Variants in FDFT1 observed in about 807,000 individuals in gnomAD.
FDFT1 encodes the protein farnesyl-diphosphate farnesyltransferase 1.
A neutral mutation model predicts 46.8 loss-of-function variants in FDFT1; 68 were observed. The ratio of observed to expected loss-of-function variants is 1.45; its 90% CI spans 1.19 to 1.78. The LOEUF (loss-of-function observed/expected upper bound fraction) is 1.78, where lower values mean the gene tolerates loss of function less well. Ranked by LOEUF, FDFT1 falls within the 40% of genes most tolerant of loss-of-function variation. The probability of loss-of-function intolerance (pLI) is 0.00; values close to 1 mark genes in which losing one functional copy is unlikely to be tolerated. For synonymous variants in FDFT1, 351 were observed against 185.1 expected, an observed-to-expected ratio of 1.90 and a Z score of -7.28; for missense variants, 928 against 524.4, an observed-to-expected ratio of 1.77 and a Z score of -7.52.
chr8:11,808,968 T>C (rs1258562881), intron 2 of FDFT1, 77 bp downstream of exon 2: 7 of 1,555,904 alleles, frequency 4.5e-6, no homozygotes, highest in Non-Finnish European at 8.7e-7. Context: ...AGCTACCTTT[T>C]GATATAGCGC....
chr8:11,826,320 C>A (rs1809984103), intron 5 of FDFT1, 105 bp downstream of exon 5: 3 of 796,070 alleles, frequency 3.8e-6, no homozygotes, highest in South Asian at 4.4e-5. Flanking sequence ...CAGGCCTCCC[C>A]CAGGCAGCAT....
intron 3 of FDFT1, among the ~76,000 whole-genome samples, chr8:11,810,955 A>T (rs966134428): frequency 2.0e-5 from 3 of 151,464 alleles, no homozygotes; most frequent in Admixed American, 2.0e-4. Context: ...AAAAAAAAAA[A>T]AAAGGAATGT....
intron 1 of FDFT1, among the ~76,000 whole-genome samples, chr8:11,807,240 C>A (rs1248829422): frequency 6.6e-6 from 1 of 152,090 alleles, no homozygotes; most frequent in Non-Finnish European, 1.5e-5. Flanking sequence ...TGGGCTCAAG[C>A]GATCCTCCCA....
At chr8:11,814,089 C>G (rs1215855336) in intron 3 of FDFT1, among the ~76,000 whole-genome samples, 1 of 152,176 alleles carries the variant, frequency 6.6e-6, no homozygotes, top group Non-Finnish European at 1.5e-5. Flanking sequence ...CCCTCATTGA[C>G]CTTTCCTCTC....
chr8:11,815,780 A>T (rs1002736959), intron 3 of FDFT1, among the ~76,000 whole-genome samples: 3 of 152,122 alleles, frequency 2.0e-5, no homozygotes, highest in African/African-American at 7.2e-5. Flanking sequence ...CCTTTGTTGG[A>T]TGGATAAATT....
At chr8:11,806,641 A>G (rs1044923918) in intron 1 of FDFT1, among the ~76,000 whole-genome samples, 3 of 152,114 alleles carry the variant, frequency 2.0e-5, no homozygotes, top group African/African-American at 7.2e-5. Flanking sequence ...TGTTAGTTGG[A>G]CTGAACATGA....
chr8:11,816,675 T>C (rs1338036481), intron 3 of FDFT1, among the ~76,000 whole-genome samples: 1 of 152,194 alleles, frequency 6.6e-6, no homozygotes, highest in Non-Finnish European at 1.5e-5. Flanking sequence ...TGTTTGTCTG[T>C]TATTGGTGTA....
chr8:11,838,514 C>G lies in FDFT1; in HGVS notation c.1159C>G (p.Leu387Val). The change falls in exon 8 of 8, where the codon CTG becomes GTG. Residue 387 changes from leucine (L) to valine (V), a missense_variant. Leu to Val is a conservative substitution (Grantham distance 32). Transcript: ENST00000220584. ...ISRSHYSPIY[L>V]SFVMLLAALS... Reference sequence around the variant, plus strand: ...CCGAAGCCACTACTCCCCCATCTACCTGTCGTTTGTCATGCTTTTGGCTGC... The same window carrying G: ...CCGAAGCCACTACTCCCCCATCTACGTGTCGTTTGTCATGCTTTTGGCTGC... The G allele has an allele frequency of 6.2e-7, 1 of 1,608,674 alleles. No homozygotes were observed. Among genetic ancestry groups the G allele is most frequent in the South Asian group, 1.1e-5 (1 of 90,372 alleles).
intron 6 of FDFT1, among the ~76,000 whole-genome samples, chr8:11,830,750 A>C (rs760237661): frequency 6.6e-6 from 1 of 152,184 alleles, no homozygotes; most frequent in African/African-American, 2.4e-5. Context: ...ACCTGGGTGA[A>C]GCTGTTATCA....
chr8:11,836,353 A>T (rs1397322687), intron 7 of FDFT1, among the ~76,000 whole-genome samples: 1 of 152,136 alleles, frequency 6.6e-6, no homozygotes, highest in Admixed American at 6.5e-5. Context: ...ACCAGTTTCC[A>T]AGTAGGGCTG....
At chr8:11,810,512 T>C (rs1807561526) in intron 3 of FDFT1, among the ~76,000 whole-genome samples, 1 of 152,222 alleles carries the variant, frequency 6.6e-6, no homozygotes, top group African/African-American at 2.4e-5. Context: ...AGAGGATTAA[T>C]TTCGCACATA....
intron 4 of FDFT1, among the ~76,000 whole-genome samples, chr8:11,823,127 T>C (rs1372117067): frequency 6.6e-6 from 1 of 152,126 alleles, no homozygotes; most frequent in Non-Finnish European, 1.5e-5. Context: ...CTCATTTTTG[T>C]ACATTTTTTG....
At chr8:11,831,816 G>T in intron 7 of FDFT1, 146 bp downstream of exon 7, 3 of 715,484 alleles carry the variant, frequency 4.2e-6, no homozygotes, top group East Asian at 2.6e-5. Flanking sequence ...TCCTTTATAA[G>T]GAAAAAAGTC....
At chr8:11,800,856 C>T (rs915371140), upstream of FDFT1, among the ~76,000 whole-genome samples, 2 of 152,180 alleles carry the variant, frequency 1.3e-5, no homozygotes, top group African/African-American at 4.8e-5. Flanking sequence ...TGGCTGGAAA[C>T]TAAGTTTTTA....
At chr8:11,837,944 C>G (rs959003477) in intron 7 of FDFT1, among the ~76,000 whole-genome samples, 18 of 152,170 alleles carry the variant, frequency 1.2e-4, no homozygotes, top group Admixed American at 6.5e-4. Flanking sequence ...TTCCTGTCCC[C>G]CTTTGTCAAG....
chr8:11,833,144 T>A (rs894026444), intron 7 of FDFT1, among the ~76,000 whole-genome samples: 1 of 152,172 alleles, frequency 6.6e-6, no homozygotes, highest in Non-Finnish European at 1.5e-5. Flanking sequence ...AGTCACTAGA[T>A]GAAAATATTC....
chr8:11,808,334 C>A (rs1428580833), intron 1 of FDFT1: 3 of 1,228,760 alleles, frequency 2.4e-6, no homozygotes, highest in Non-Finnish European at 2.0e-6. Context: ...AGGGCAACAG[C>A]GGGAGGAGGC....
chr8:11,798,432 T>C (rs1805782086), upstream of FDFT1, among the ~76,000 whole-genome samples: 1 of 152,052 alleles, frequency 6.6e-6, no homozygotes, highest in African/African-American at 2.4e-5. Flanking sequence ...TCAACATGGT[T>C]TGGGAAAGAA....
chr8:11,802,670 C>T (rs1022520251), upstream of FDFT1: 4 of 630,210 alleles, frequency 6.3e-6, no homozygotes, highest in African/African-American at 1.9e-5. Context: ...CGGCCGAGGC[C>T]GGTTGAAGTG....
Sources: gnomAD v4.1 joint callset for allele counts (sites outside exome capture counted in the v4.1 genomes callset) on GRCh38, gnomAD v4.1.1 for gene constraint, MANE v1.5 for transcripts, NCBI Gene and HGNC (gene_info 2026-07-23, HGNC 2026-07-21) for gene names.